The following TRIM49C variants were observed in gnomAD, a reference collection of about 807,000 sequenced individuals.
TRIM49C encodes tripartite motif-containing protein 49C.
In TRIM49C, 6 loss-of-function variants were observed where a neutral mutation model predicts 21.4. The observed-to-expected ratio is 0.28, with a 90% CI of 0.15 to 0.55. The LOEUF (loss-of-function observed/expected upper bound fraction) is 0.55, where lower values mean the gene tolerates loss of function less well. Among genes scored for constraint, TRIM49C ranks in the 20% least tolerant of loss-of-function variants. The pLI, the probability that TRIM49C is intolerant of heterozygous loss-of-function variation, is 0.94. For synonymous variants in TRIM49C, 57 were observed against 148.1 expected (o/e 0.38, Z 4.47); for missense variants, 161 against 442.4 (o/e 0.36, Z 5.71).
the TRIM49C span, among the ~76,000 whole-genome samples, chr11:90,066,070 G>T: frequency 7.2e-6 from 1 of 138,926 alleles, no homozygotes; most frequent in Non-Finnish European, 1.6e-5. Flanking sequence ...GCCCAGGCTG[G>T]AGTGCCAGGG....
intron 1 of TRIM49C, among the ~76,000 whole-genome samples, chr11:90,031,960 G>T (rs540204): frequency 0.016 from 2,040 of 127,448 alleles, 85 homozygotes; most frequent in African/African-American, 0.054. Flanking sequence ...ATACACTGAC[G>T]TTACCAAAAA....
downstream of TRIM49C, among the ~76,000 whole-genome samples, chr11:90,043,106 T>A (rs912994759): frequency 1.5e-5 from 2 of 137,884 alleles, no homozygotes; most frequent in African/African-American, 5.3e-5. Context: ...AGACCCAAAA[T>A]GTCAAATAAT....
chr11:90,046,067 T>C (rs1950799548), downstream of TRIM49C, among the ~76,000 whole-genome samples: 1 of 122,110 alleles, frequency 8.2e-6, no homozygotes, highest in Non-Finnish European at 1.7e-5. Flanking sequence ...GTTCTGTTTA[T>C]ATGCTGGATT....
At chr11:90,038,877 A>T (rs1950746271) in intron 6 of TRIM49C, among the ~76,000 whole-genome samples, 162 bp downstream of exon 6, 2 of 135,192 alleles carry the variant, frequency 1.5e-5, no homozygotes, top group Non-Finnish European at 3.2e-5. Flanking sequence ...CGAAGTAAAT[A>T]AATGAATAAA....
Position 90,038,633 on chromosome 11 carries a change from C to G in TRIM49C, c.739-60C>G, listed in dbSNP as rs1182849647. On this transcript the variant is annotated intron_variant, in intron 5 of 7. Coordinates refer to ENST00000448984, the MANE Select transcript of TRIM49C (RefSeq NM_001195234.1). ...AACTGAGTACAAATCTCACACTGAA[C>G]TTAGTGAAAGATGCATCTTGTGAAA... The G allele has an allele frequency of 1.6e-5, 10 of 634,726 alleles. 1 individual carries two copies. Among genetic ancestry groups the G allele is most frequent in the African/African-American group, 3.9e-5 (2 of 50,832 alleles). The allele number at this position is 634,726 out of a possible 1,614,324, so 39.3% of individuals were successfully genotyped here.
chr11:90,056,067 T>C, the TRIM49C span, among the ~76,000 whole-genome samples: 2 of 132,790 alleles, frequency 1.5e-5, no homozygotes, highest in Non-Finnish European at 3.2e-5. Flanking sequence ...CACGCCATTC[T>C]CCTGCCTCAG....
chr11:90,057,738 C>T, the TRIM49C span: 38 of 1,203,498 alleles, frequency 3.2e-5, 3 homozygotes, highest in Admixed American at 5.1e-5. Context: ...CACCCCAACC[C>T]GACCCAGAGG....
the TRIM49C span, among the ~76,000 whole-genome samples, chr11:90,057,114 T>TA: frequency 4.3e-5 from 6 of 139,870 alleles, no homozygotes; most frequent in Non-Finnish European, 7.7e-5. Flanking sequence ...TAAATCAGAT[T>TA]AAAAAAAGAA....
At chr11:90,072,441 T>G in the TRIM49C span, among the ~76,000 whole-genome samples, 1 of 145,906 alleles carries the variant, frequency 6.9e-6, no homozygotes. Flanking sequence ...GAAGGCAGAT[T>G]CAGATTTTCT....
chr11:90,041,317 G>T lies in TRIM49C; in HGVS notation c.1126G>T (p.Gly376Ter). The T allele has an allele frequency of 6.3e-7, 1 of 1,589,816 alleles. No individual in the cohort carries two copies. The change falls in exon 8 of 8, where the codon GGA becomes TGA. Residue 376 changes from glycine to a stop codon, truncating the protein, a stop_gained. Coordinates refer to ENST00000448984, the MANE Select transcript of TRIM49C (RefSeq NM_001195234.1). LOFTEE classifies it low-confidence loss of function (END_TRUNC). ...GAATGAGAAGATAGATGGAAAGGAGGGACTCTTTCTTCTTGGGTGTATTAA... is the reference window on the plus strand; with the variant it reads ...GAATGAGAAGATAGATGGAAAGGAGTGACTCTTTCTTCTTGGGTGTATTAA... ...NQNEKIDGKE[G>*]LFLLGCIKND...
chr11:90,041,364 CTT>C lies in TRIM49C; in HGVS notation c.1175_1176del (p.Phe392TyrfsTer24). 6.3e-7 allele frequency: 1 copy of C among 1,589,196 alleles called. No homozygotes were observed. Among genetic ancestry groups the C allele is most frequent in the Non-Finnish European group, 8.6e-7 (1 of 1,164,710 alleles). On this transcript the variant is annotated frameshift_variant, in exon 8 of 8. Coordinates refer to ENST00000448984, the MANE Select transcript of TRIM49C (RefSeq NM_001195234.1). LOFTEE classifies it low-confidence loss of function (END_TRUNC). ...CIKNDIQCSL[F>X]TTSPLMLQYI... ...TTAAGAATGACATTCAATGCAGTCT[CTT>C]TACCACCTCCCCACTTATGCTGCAA...
chr11:90,054,007 T>C, the TRIM49C span, among the ~76,000 whole-genome samples: 1 of 139,798 alleles, frequency 7.2e-6, no homozygotes, highest in Non-Finnish European at 1.6e-5. Flanking sequence ...AATGCTTTTA[T>C]TCTTTTGTAA....
At chr11:90,070,990 T>C in the TRIM49C span, 4 of 383,664 alleles carry the variant, frequency 1.0e-5, 2 homozygotes, top group East Asian at 2.9e-4. Flanking sequence ...GGGATGGGGA[T>C]TTGCCATGTT....
At chr11:90,062,916 A>G in the TRIM49C span, 397 of 1,433,618 alleles carry the variant, frequency 2.8e-4, 50 homozygotes, top group East Asian at 9.0e-3. Context: ...CCCACAGTCA[A>G]TGGTGACCGG....
At chr11:90,070,785 T>G in the TRIM49C span, among the ~76,000 whole-genome samples, 5 of 141,986 alleles carry the variant, frequency 3.5e-5, no homozygotes, top group Admixed American at 8.0e-5. Context: ...ACAACTTGTT[T>G]GTTTCTTTGA....
the TRIM49C span, chr11:90,053,718 C>T: frequency 6.8e-6 from 1 of 146,478 alleles, no homozygotes; most frequent in Admixed American, 7.1e-5. Flanking sequence ...GCGGCCGAGT[C>T]CCAGCCAGCA....
the TRIM49C span, among the ~76,000 whole-genome samples, chr11:90,055,956 C>CTTTTT: frequency 5.1e-5 from 5 of 97,842 alleles, no homozygotes; most frequent in African/African-American, 7.8e-5. Flanking sequence ...CATCTGGATT[C>CTTTTT]TTTTTTTTTT....
rs753891031 is a variant in TRIM49C at position 90,041,468 on chromosome 11, A to G, written c.1277A>G (p.Asn426Ser). 1.3e-5 allele frequency: 20 copies of G among 1,542,086 alleles called. No homozygotes were observed. The African/African-American group carries it at 2.4e-4, about 18-fold the overall frequency. ...AAGACTGTGAGCTTTGTTGATGTTA[A>G]TCAAAGCTCCCTAATATACACCATC... is the stretch of plus-strand genomic sequence containing the variant. ...EAKTVSFVDV[N>S]QSSLIYTIPN... The change falls in exon 8 of 8, where the codon AAT becomes AGT. Residue 426 changes from asparagine (N) to serine (S), a missense_variant. Around this residue, in one of 3 missense-constraint regions of TRIM49C, gnomAD observed 18 missense variants for 60.0 expected, o/e 0.30. Transcript: ENST00000448984.
chr11:90,073,219 A>G, the TRIM49C span: 2 of 857,466 alleles, frequency 2.3e-6, no homozygotes, highest in Non-Finnish European at 3.7e-6. Flanking sequence ...CCACCTCCCC[A>G]ATGTTTCCTC....
Sources: allele counts gnomAD v4.1 joint callset (sites outside exome capture counted in the v4.1 genomes callset), GRCh38; gene constraint gnomAD v4.1.1; regional missense constraint gnomAD v4.1.1; transcripts MANE v1.5; gene names NCBI Gene and HGNC (gene_info 2026-07-23, HGNC 2026-07-21).